The following CTNNA2 variants were observed in gnomAD, a reference collection of about 807,000 sequenced individuals.
CTNNA2 encodes catenin alpha 2.
A neutral mutation model predicts 101.0 loss-of-function variants in CTNNA2; 42 were observed. The observed-to-expected ratio is 0.42, with a 90% CI of 0.32 to 0.54. CTNNA2 has a LOEUF of 0.54. Among genes scored for constraint, CTNNA2 ranks in the 20% least tolerant of loss-of-function variants. CTNNA2 has a pLI of 0.14. For missense variants in CTNNA2, 871 were observed against 1,223.1 expected (o/e 0.71, Z 4.29); for synonymous variants, 450 against 456.4 (o/e 0.99, Z 0.18).
chr2:79,515,500 G>A (rs1671760251), intron 1 of CTNNA2, among the ~76,000 whole-genome samples: 2 of 152,094 alleles, frequency 1.3e-5, no homozygotes, highest in Admixed American at 1.3e-4. Context: ...TGGTGTGGGT[G>A]TATGCCCCAG....
intron 4 of CTNNA2, among the ~76,000 whole-genome samples, chr2:79,393,920 A>G (rs1235164078): frequency 1.3e-5 from 2 of 152,064 alleles, no homozygotes; most frequent in East Asian, 1.9e-4. Flanking sequence ...GCTCAGGGTC[A>G]TTTAGCTCCT....
At chr2:80,556,772 T>C (rs904742832) in intron 12 of CTNNA2, among the ~76,000 whole-genome samples, 9 of 152,192 alleles carry the variant, frequency 5.9e-5, no homozygotes, top group African/African-American at 2.2e-4. Flanking sequence ...AAAAAGAGAA[T>C]GTAAGTCCAC....
intron 8 of CTNNA2, among the ~76,000 whole-genome samples, chr2:80,408,680 G>A (rs1272636577): frequency 6.6e-6 from 1 of 152,146 alleles, no homozygotes; most frequent in Non-Finnish European, 1.5e-5. Flanking sequence ...ATCTCCCTTT[G>A]GAGCAAGCAA....
intron 1 of CTNNA2, chr2:79,575,546 A>C (rs753952956): frequency 6.6e-6 from 1 of 152,262 alleles, no homozygotes; most frequent in Non-Finnish European, 1.5e-5. Context: ...CCAGTGGATT[A>C]TCCACAGTGG....
rs183557790 is a variant in CTNNA2 at position 79,311,566 on chromosome 2, G to A, written c.-405-1143G>A. ...GTACTTAAAAGATAGTGCGTCCCCC[G>A]GTGACAGTCGCTTAAAAGTCAGCAA... is the stretch of plus-strand genomic sequence containing the variant. On this transcript the variant is annotated intron_variant, in intron 2 of 21. Coordinates refer to the CTNNA2 transcript ENST00000466387. 1.4e-4 allele frequency among the ~76,000 whole-genome samples: 22 copies of A among 151,984 alleles called. No individual in the cohort carries two copies. The East Asian group carries it at 1.9e-3, about 13-fold the overall frequency.
intron 7 of CTNNA2, among the ~76,000 whole-genome samples, chr2:79,983,005 A>T (rs192175319): frequency 6.6e-6 from 1 of 152,088 alleles, no homozygotes; most frequent in East Asian, 1.9e-4. Flanking sequence ...TCTCTATCAA[A>T]TAATTGATGG....
intron 6 of CTNNA2, among the ~76,000 whole-genome samples, chr2:79,877,400 C>T (rs1384048153): frequency 6.6e-6 from 1 of 152,102 alleles, no homozygotes; most frequent in African/African-American, 2.4e-5. Context: ...TGTAGATTTT[C>T]CATCACTTCT....
At chr2:79,872,267 T>C (rs1195863945) in intron 5 of CTNNA2, among the ~76,000 whole-genome samples, 2 of 152,206 alleles carry the variant, frequency 1.3e-5, no homozygotes, top group Non-Finnish European at 2.9e-5. Context: ...TAATTCAATA[T>C]TTAGATTGTT....
intron 7 of CTNNA2, among the ~76,000 whole-genome samples, chr2:80,244,427 C>A (rs1671172360): frequency 6.6e-6 from 1 of 152,344 alleles, no homozygotes; most frequent in Middle Eastern, 3.4e-3. Flanking sequence ...TGCCCATAGG[C>A]TCACTACCTC....
intron 7 of CTNNA2, among the ~76,000 whole-genome samples, chr2:80,198,404 C>A (rs1418097799): frequency 6.6e-6 from 1 of 152,160 alleles, no homozygotes; most frequent in East Asian, 1.9e-4. Context: ...AGTATCAATG[C>A]AGTTAAATTA....
At chr2:79,919,241 G>A (rs534020213) in intron 7 of CTNNA2, among the ~76,000 whole-genome samples, 6 of 152,276 alleles carry the variant, frequency 3.9e-5, no homozygotes, top group East Asian at 3.9e-4. Flanking sequence ...CTGTGGTTGG[G>A]TATCATTCAG....
At chr2:80,379,490 G>T (rs1676300150) in intron 7 of CTNNA2, among the ~76,000 whole-genome samples, 1 of 151,986 alleles carries the variant, frequency 6.6e-6, no homozygotes, top group South Asian at 2.1e-4. Context: ...GAATCTCTTG[G>T]GTTTTTTTAG....
At chr2:80,098,603 G>A (rs1700330904) in intron 7 of CTNNA2, among the ~76,000 whole-genome samples, 1 of 152,240 alleles carries the variant, frequency 6.6e-6, no homozygotes, top group African/African-American at 2.4e-5. Context: ...TGCCCTCAGA[G>A]GTGGAGCCTA....
At chr2:80,475,403 G>A (rs1004333947) in intron 9 of CTNNA2, among the ~76,000 whole-genome samples, 8 of 152,066 alleles carry the variant, frequency 5.3e-5, no homozygotes, top group African/African-American at 1.9e-4. Flanking sequence ...TGCAAAATAA[G>A]GAGCTCATAA....
chr2:80,211,027 T>G (rs1707856876), intron 7 of CTNNA2, among the ~76,000 whole-genome samples: 1 of 152,236 alleles, frequency 6.6e-6, no homozygotes, highest in South Asian at 2.1e-4. Flanking sequence ...TTGAGAAGTG[T>G]CTGTTCATAT....
intron 7 of CTNNA2, among the ~76,000 whole-genome samples, chr2:80,174,062 T>G (rs977341247): frequency 3.9e-5 from 6 of 152,158 alleles, no homozygotes; most frequent in African/African-American, 1.4e-4. Context: ...GGTAATAGAT[T>G]GATGAGTGGC....
intron 11 of CTNNA2, among the ~76,000 whole-genome samples, chr2:80,555,203 GAAA>G (rs1692925520): frequency 6.6e-6 from 1 of 152,150 alleles, no homozygotes; most frequent in Non-Finnish European, 1.5e-5. Flanking sequence ...CATGATTAAA[GAAA>G]CATGTGTCCA....
rs1263394974 is a variant in CTNNA2, at chr2:80,004,894, G to T, written c.1056+95097G>T. ...ATTTTTGTATTTTTAGTAGAGATGG[G>T]GTTTCACCATGTTGGCCAGGCTGGT... is the stretch of plus-strand genomic sequence containing the variant. On this transcript the variant is annotated intron_variant, in intron 7 of 18. Transcript: ENST00000402739. 2.0e-5 allele frequency among the ~76,000 whole-genome samples: 3 copies of T among 152,170 alleles called. No homozygotes were observed. The East Asian group carries it at 5.8e-4, about 29-fold the overall frequency.
chr2:80,213,645 A>G (rs1307459374), intron 7 of CTNNA2, among the ~76,000 whole-genome samples: 7 of 152,170 alleles, frequency 4.6e-5, no homozygotes, highest in Admixed American at 6.5e-5. Context: ...TGTGTGGTCA[A>G]TTTTGGAATA....
Sources: allele counts gnomAD v4.1 joint callset (sites outside exome capture counted in the v4.1 genomes callset), GRCh38; gene constraint gnomAD v4.1.1; transcripts MANE v1.5; gene names NCBI Gene and HGNC (gene_info 2026-07-23, HGNC 2026-07-21).